Variants in RALGDS observed in about 807,000 individuals in gnomAD.
RALGDS encodes ral guanine nucleotide dissociation stimulator.
Under a neutral mutation model 99.8 loss-of-function variants are expected in RALGDS, and 44 were observed. That is an observed-to-expected ratio of 0.44 (90% CI 0.35 to 0.57). The LOEUF is 0.57. RALGDS is among the 20% of genes least tolerant of loss of function. RALGDS has a pLI of 0.01. For synonymous variants in RALGDS, 529 were observed against 505.0 expected, an observed-to-expected ratio of 1.05 and a Z score of -0.64; for missense variants, 1,022 against 1,203.1, an observed-to-expected ratio of 0.85 and a Z score of 2.23.
At chr9:133,100,444 C>T in intron 16 of RALGDS, 62 bp from the exon 17 acceptor site, 1 of 1,608,242 alleles carries the variant, frequency 6.2e-7, no homozygotes, top group Non-Finnish European at 8.5e-7. Flanking sequence ...CCCCAGAGTG[C>T]AGTGGCCAAG....
rs994556129 is a variant in RALGDS at position 133,114,336 on chromosome 9, C to G, written c.184-2184G>C. ...GGCATGGAACCAGACCATAGAGCTACGTGGAGTACAGGGGCTGTTTAAACC... is the reference window on the plus strand; with the variant it reads ...GGCATGGAACCAGACCATAGAGCTAGGTGGAGTACAGGGGCTGTTTAAACC... On this transcript the variant is annotated intron_variant, in intron 1 of 17. Coordinates refer to ENST00000372050, the MANE Select transcript of RALGDS (RefSeq NM_006266.4). 5.3e-5 allele frequency among the ~76,000 whole-genome samples: 8 copies of G among 152,320 alleles called. No homozygotes were observed. In the South Asian group the frequency reaches 1.7e-3, roughly 32 times the overall value.
intron 3 of RALGDS, 55 bp from the exon 4 acceptor site, chr9:133,109,776 G>C (rs924608244): frequency 1.3e-6 from 2 of 1,484,616 alleles, no homozygotes; most frequent in Non-Finnish European, 1.9e-6. Flanking sequence ...CGGAGGCCCA[G>C]GAGGGCAGGG....
At position 133,112,140 on chromosome 9, in the gene RALGDS, C is replaced by A; in HGVS notation, c.196G>T (p.Glu66Ter). Residue 66 changes from glutamate to a stop codon, truncating the protein, a stop_gained, in exon 2 of 18, where the codon GAG becomes TAG. Transcript: ENST00000372050. LOFTEE classifies it high-confidence loss of function. ...CCGTTGATCAGCTCCTCACCGATCT[C>A]CTGCGTGGAGCTCTGTGAAGACAAC... ...DLPRPESSTQ[E>*]IGEELINGVI... 1 of 1,564,300 alleles carries A rather than the reference C, an allele frequency of 6.4e-7. No homozygotes were observed. The highest frequency in any genetic ancestry group is 8.7e-7 in the Non-Finnish European group (1 of 1,153,640).
intron 1 of RALGDS, among the ~76,000 whole-genome samples, chr9:133,113,977 A>C (rs1462037061): frequency 6.6e-6 from 1 of 152,228 alleles, no homozygotes; most frequent in East Asian, 1.9e-4. Context: ...CCTGCTGGAC[A>C]GAGGTGTCCC....
intron 1 of RALGDS, among the ~76,000 whole-genome samples, chr9:133,118,546 T>A (rs1225428421): frequency 6.6e-6 from 1 of 151,232 alleles, no homozygotes; most frequent in East Asian, 1.9e-4. Flanking sequence ...CAAAAGGAGA[T>A]GATGCAAATT....
At chr9:133,145,695 G>A (rs1248485825) in intron 1 of RALGDS, among the ~76,000 whole-genome samples, 1 of 152,178 alleles carries the variant, frequency 6.6e-6, no homozygotes, top group African/African-American at 2.4e-5. Flanking sequence ...GGGTCACCAA[G>A]CTCCTGCCTC....
At position 133,121,233 on chromosome 9, in the gene RALGDS, C is replaced by G. The variant is rs1220169630; in HGVS notation, c.-79G>C. ...GCGCGGCCCGCGCGGCTGGGCTTTG[C>G]CACCGCTGTGAGCCCGCGGCCCGGC... On this transcript the variant is annotated 5_prime_UTR_variant, in exon 1 of 18. Coordinates refer to ENST00000372050, the MANE Select transcript of RALGDS (RefSeq NM_006266.4). The G allele has an allele frequency of 2.0e-6, 2 of 980,236 alleles. No individual in the cohort carries two copies. The highest frequency in any genetic ancestry group is 3.5e-5 in the African/African-American group (2 of 56,564). The allele number at this position is 980,236 out of a possible 1,614,324, so 60.7% of individuals were successfully genotyped here.
chr9:133,107,817 AG>A (rs1831148169), intron 6 of RALGDS, among the ~76,000 whole-genome samples, 170 bp downstream of exon 6: 1 of 152,262 alleles, frequency 6.6e-6, no homozygotes, highest in Non-Finnish European at 1.5e-5. Flanking sequence ...TCTACTGTCC[AG>A]AGGTAAACTG....
chr9:133,145,611 C>G (rs1832611042), intron 1 of RALGDS, among the ~76,000 whole-genome samples: 1 of 152,122 alleles, frequency 6.6e-6, no homozygotes. Flanking sequence ...TCACAGCCAC[C>G]CTGGGAGCTG....
chr9:133,134,736 G>T (rs1383224706), upstream of RALGDS, among the ~76,000 whole-genome samples: 1 of 152,216 alleles, frequency 6.6e-6, no homozygotes, highest in East Asian at 1.9e-4. Context: ...GATCACTGCT[G>T]CCTCCAACCT....
intron 16 of RALGDS, 55 bp from the exon 17 acceptor site, chr9:133,100,437 C>A (rs531228722): frequency 1.9e-6 from 3 of 1,610,246 alleles, no homozygotes; most frequent in Admixed American, 3.3e-5. Flanking sequence ...GCGGCTCCCC[C>A]AGAGTGCAGT....
At chr9:133,106,137 C>A in intron 8 of RALGDS, 121 bp from the exon 9 acceptor site, 1 of 754,052 alleles carries the variant, frequency 1.3e-6, no homozygotes. Context: ...ACACAGGGTA[C>A]CCCAGAGCAC....
intron 1 of RALGDS, among the ~76,000 whole-genome samples, chr9:133,127,828 A>G (rs1832210434): frequency 6.6e-6 from 1 of 152,216 alleles, no homozygotes; most frequent in South Asian, 2.1e-4. Context: ...AGGAGACCAC[A>G]CTGGGTGGCA....
intron 1 of RALGDS, 141 bp from the exon 2 acceptor site, chr9:133,112,293 T>C (rs1446860894): frequency 2.9e-6 from 2 of 680,332 alleles, no homozygotes; most frequent in South Asian, 1.5e-5. Flanking sequence ...TGGGGTGGAA[T>C]GAGATCACAG....
upstream of RALGDS, among the ~76,000 whole-genome samples, chr9:133,124,385 T>C (rs1327163896): frequency 6.6e-6 from 1 of 151,546 alleles, no homozygotes; most frequent in African/African-American, 2.4e-5. Flanking sequence ...CTCAGAGACA[T>C]AGAGACAGAC....
At chr9:133,135,223 C>T (rs539805302), upstream of RALGDS, among the ~76,000 whole-genome samples, 13 of 152,310 alleles carry the variant, frequency 8.5e-5, no homozygotes, top group East Asian at 1.9e-3. Context: ...CCACAGGACA[C>T]ACCTGCCAAG....
intron 16 of RALGDS, 86 bp from the exon 17 acceptor site, chr9:133,100,468 C>T: frequency 1.2e-6 from 2 of 1,605,206 alleles, no homozygotes; most frequent in Admixed American, 1.7e-5. Context: ...CCTCTGGAGT[C>T]CCCTCAGCAC....
chr9:133,136,351 A>G (rs921977981), intron 1 of RALGDS, among the ~76,000 whole-genome samples: 1 of 152,126 alleles, frequency 6.6e-6, no homozygotes, highest in Admixed American at 6.5e-5. Context: ...AAAACATTTC[A>G]CCTTGGCCGG....
At chr9:133,126,977 G>A (rs1832182870) in intron 1 of RALGDS, among the ~76,000 whole-genome samples, 1 of 152,178 alleles carries the variant, frequency 6.6e-6, no homozygotes, top group African/African-American at 2.4e-5. Flanking sequence ...GCCCCCCACT[G>A]CCCTCAGGCA....
Sources: allele counts gnomAD v4.1 joint callset (sites outside exome capture counted in the v4.1 genomes callset), GRCh38; gene constraint gnomAD v4.1.1; transcripts MANE v1.5; gene names NCBI Gene and HGNC (gene_info 2026-07-23, HGNC 2026-07-21).